WDR19: variants seen among roughly 807,000 people sequenced by gnomAD.
WDR19 encodes WD repeat domain 19.
A neutral mutation model predicts 180.0 loss-of-function variants in WDR19; 121 were observed. That is an observed-to-expected ratio of 0.67 (90% CI 0.58 to 0.78). The LOEUF (loss-of-function observed/expected upper bound fraction) is 0.78, where lower values mean the gene tolerates loss of function less well. Ranked by LOEUF, WDR19 falls within the 30% of genes least tolerant of loss-of-function variation. The pLI, the probability that WDR19 is intolerant of heterozygous loss-of-function variation, is 0.00. For synonymous variants in WDR19, 497 were observed against 540.7 expected, an observed-to-expected ratio of 0.92 and a Z score of 1.12; for missense variants, 1,450 against 1,640.7, an observed-to-expected ratio of 0.88 and a Z score of 2.01.
intron 9 of WDR19, among the ~76,000 whole-genome samples, chr4:39,209,997 G>A (rs142971126): frequency 1.3e-3 from 204 of 152,240 alleles, no homozygotes; most frequent in Admixed American, 7.9e-3. Flanking sequence ...ATCTGGATTA[G>A]CCCTATAACT....
chr4:39,253,983 C>A lies in WDR19; in HGVS notation c.2954C>A (p.Thr985Lys), dbSNP rs769807270. Residue 985 changes from threonine (T) to lysine (K), a missense_variant, in exon 26 of 37, where the codon ACA becomes AAA. Coordinates refer to ENST00000399820, the MANE Select transcript of WDR19 (RefSeq NM_025132.4). ...TCCAAATGCAACAATGAAGCTTTCA[C>A]ACTGGCTCAGCAACACAACAAAATG... is the stretch of plus-strand genomic sequence containing the variant. ...VMSKCNNEAF[T>K]LAQQHNKMEI... The A allele has an allele frequency of 2.0e-5, 32 of 1,612,710 alleles. No individual in the cohort carries two copies. Among genetic ancestry groups the A allele is most frequent in the Admixed American group, 5.0e-5 (3 of 59,966 alleles).
At chr4:39,187,659 A>G (rs1725712875) in intron 3 of WDR19, among the ~76,000 whole-genome samples, 1 of 152,190 alleles carries the variant, frequency 6.6e-6, no homozygotes, top group African/African-American at 2.4e-5. Flanking sequence ...GTATTCCTGG[A>G]AACAGATCAA....
intron 5 of WDR19, among the ~76,000 whole-genome samples, chr4:39,195,794 G>T (rs1218283395): frequency 6.6e-6 from 1 of 152,106 alleles, no homozygotes; most frequent in Non-Finnish European, 1.5e-5. Context: ...CATTCAAGAC[G>T]ATCATTTCAA....
rs962400149 is a variant in WDR19, at chr4:39,225,028, T to G, written c.1624T>G (p.Cys542Gly). ...IDEKSDGFVY[C>G]PVNDATYEIP... ...TGAAAAAAGTGATGGATTTGTTTAC[T>G]GTCCAGTAAGTCTGGAACATTTTTA... The change falls in exon 15 of 37, where the codon TGT becomes GGT. Residue 542 changes from cysteine (C) to glycine (G), a missense_variant. Physicochemically the swap from Cys to Gly is radical, Grantham distance 159. Transcript: ENST00000399820. The G allele has an allele frequency of 1.3e-6, 2 of 1,558,544 alleles. No individual in the cohort carries two copies. Among genetic ancestry groups the G allele is most frequent in the African/African-American group, 1.4e-5 (1 of 73,380 alleles).
intron 28 of WDR19, among the ~76,000 whole-genome samples, chr4:39,263,698 GCGGATCAC>G (rs1560552335): frequency 6.6e-6 from 1 of 152,190 alleles, no homozygotes; most frequent in African/African-American, 2.4e-5. Context: ...GCTGAGGTGG[GCGGATCAC>G]CTGAGGTCAG....
Position 39,244,269 on chromosome 4 carries a change from G to T in WDR19, c.2443G>T (p.Ala815Ser). 6.2e-7 allele frequency: 1 copy of T among 1,612,854 alleles called. No individual in the cohort carries two copies. Among genetic ancestry groups the T allele is most frequent in the Non-Finnish European group, 8.5e-7 (1 of 1,179,172 alleles). ...GCAGGAACATGATGAAGCTTGTCTG[G>T]CTGGAGTGGCCCAGATGTCCATAAG... ...DNKEHDEACLAGVAQMSIRMG... is the reference protein window; with the variant it reads ...DNKEHDEACLSGVAQMSIRMG... Residue 815 changes from alanine to serine, a missense_variant, in exon 22 of 37, where the codon GCT becomes TCT. Coordinates refer to ENST00000399820, the MANE Select transcript of WDR19 (RefSeq NM_025132.4).
intron 21 of WDR19, 114 bp from the exon 22 acceptor site, chr4:39,244,134 A>G (rs749820444): frequency 2.4e-5 from 30 of 1,252,514 alleles, no homozygotes; most frequent in Non-Finnish European, 3.1e-5. Flanking sequence ...CCCTGAAAAG[A>G]TAAAAGTAAA....
chr4:39,188,986 G>A (rs535170166), intron 3 of WDR19, among the ~76,000 whole-genome samples: 23 of 151,880 alleles, frequency 1.5e-4, no homozygotes, highest in Non-Finnish European at 2.6e-4. Context: ...GCAGTGGCGC[G>A]ATCTTGGCTT....
intron 6 of WDR19, among the ~76,000 whole-genome samples, chr4:39,200,804 C>T (rs1467903266): frequency 1.3e-5 from 2 of 152,170 alleles, no homozygotes; most frequent in Non-Finnish European, 2.9e-5. Context: ...TCATTGTGGG[C>T]CATCTTACAG....
At chr4:39,215,715 A>T in intron 10 of WDR19, 126 bp from the exon 11 acceptor site, 1 of 1,014,122 alleles carries the variant, frequency 9.9e-7, no homozygotes, top group Non-Finnish European at 1.4e-6. Context: ...AAAAAAAACT[A>T]CTTAAACTAG....
intron 5 of WDR19, among the ~76,000 whole-genome samples, chr4:39,198,171 A>T (rs6815686): frequency 0.39 from 59,693 of 152,014 alleles, 13,393 homozygotes; most frequent in African/African-American, 0.63. Flanking sequence ...ACAGTTAAAC[A>T]GTGAATGTTA....
chr4:39,257,449 T>G, intron 27 of WDR19, 37 bp from the exon 28 acceptor site: 1 of 1,546,326 alleles, frequency 6.5e-7, no homozygotes, highest in Non-Finnish European at 8.8e-7. Flanking sequence ...TGTGAAAACA[T>G]TCTGAAAATT....
At chr4:39,264,844 T>C (rs4975001) in intron 28 of WDR19, among the ~76,000 whole-genome samples, 77,666 of 151,536 alleles carry the variant, frequency 0.51, 21,540 homozygotes, top group African/African-American at 0.74. Context: ...ATGCCCATCC[T>C]GCAATGTGGT....
At chr4:39,209,902 ACT>A (rs1728321837) in intron 9 of WDR19, among the ~76,000 whole-genome samples, 3 of 152,312 alleles carry the variant, frequency 2.0e-5, no homozygotes, top group Admixed American at 2.0e-4. Context: ...ACAATTTTAC[ACT>A]CAAAATTTGA....
chr4:39,232,365 C>G, intron 19 of WDR19, 93 bp downstream of exon 19: 1 of 1,028,034 alleles, frequency 9.7e-7, no homozygotes, highest in Non-Finnish European at 1.4e-6. Context: ...CCGCTCACGC[C>G]TCTAATTCCA....
intron 20 of WDR19, among the ~76,000 whole-genome samples, chr4:39,235,555 C>T (rs746752480): frequency 6.6e-6 from 1 of 152,126 alleles, no homozygotes; most frequent in Non-Finnish European, 1.5e-5. Context: ...TAATTTCAAA[C>T]CATAGTGAAA....
intron 9 of WDR19, among the ~76,000 whole-genome samples, chr4:39,209,427 T>G (rs552068772): frequency 6.6e-6 from 1 of 151,806 alleles, no homozygotes; most frequent in East Asian, 1.9e-4. Flanking sequence ...CTCAAGACAC[T>G]GAAAAAAGGA....
chr4:39,237,726 G>C (rs1008739928), intron 20 of WDR19: 1 of 152,066 alleles, frequency 6.6e-6, no homozygotes, highest in Non-Finnish European at 1.5e-5. Context: ...AAAAAGTGAC[G>C]TTGGAATCTT....
At chr4:39,257,724 C>T (rs1233255203) in intron 28 of WDR19, among the ~76,000 whole-genome samples, 170 bp downstream of exon 28, 5 of 150,230 alleles carry the variant, frequency 3.3e-5, no homozygotes, top group African/African-American at 1.2e-4. Context: ...TTTTTCATAC[C>T]CTCACCCTCT....
Sources: gnomAD v4.1 joint callset for allele counts (sites outside exome capture counted in the v4.1 genomes callset) on GRCh38, gnomAD v4.1.1 for gene constraint, MANE v1.5 for transcripts, NCBI Gene and HGNC (gene_info 2026-07-23, HGNC 2026-07-21) for gene names.